Variants in ASGR2 observed in about 807,000 individuals in gnomAD.
ASGR2 encodes the protein C-type lectin domain family 4 member H2.
ASGR2 carries 34 observed loss-of-function variants against 32.3 expected under a neutral mutation model. The ratio of observed to expected loss-of-function variants is 1.05; its 90% CI spans 0.80 to 1.40. ASGR2 has a LOEUF of 1.40. Among genes scored for constraint, ASGR2 ranks in the 40% most tolerant of loss-of-function variants. ASGR2 has a pLI of 0.00. For missense variants in ASGR2, 385 were observed against 386.4 expected, an observed-to-expected ratio of 1.00 and a Z score of 0.03; for synonymous variants, 143 against 150.0, an observed-to-expected ratio of 0.95 and a Z score of 0.34.
rs1349260922 is a variant in ASGR2 at position 7,107,990 on chromosome 17, C to T, written c.338-83G>A. The T allele has an allele frequency of 1.3e-6, 2 of 1,524,026 alleles. No individual in the cohort carries two copies. Among genetic ancestry groups the T allele is most frequent in the Non-Finnish European group, 8.9e-7 (1 of 1,118,816 alleles). 94.4% of individuals were successfully genotyped at this position (1,524,026 alleles called of 1,614,324 possible). A position where few individuals can be genotyped will look rare whatever the true frequency, so the allele number is the denominator to read the frequency against. ...GGGGGACCGGGGGCCAGCGCCTCGT[C>T]CTGGGCGATGCAGGCGTCCACCTCC... On this transcript the variant is annotated intron_variant, in intron 4 of 8. Transcript: ENST00000691900. The surrounding 1 kb of genome is among the most constrained non-coding windows in gnomAD (Gnocchi z 5.0).
chr17:7,106,258 A>C (rs1913670621), intron 7 of ASGR2, among the ~76,000 whole-genome samples: 2 of 152,232 alleles, frequency 1.3e-5, no homozygotes, highest in South Asian at 4.1e-4. Context: ...AGTGACAAAA[A>C]AATCAAGGAC....
rs533159607 is a variant in ASGR2 at position 7,114,040 on chromosome 17, G to A, written c.124+77C>T. On this transcript the variant is annotated intron_variant, in intron 2 of 8. Transcript: ENST00000691900. The surrounding 1 kb of genome is among the most constrained non-coding windows in gnomAD (Gnocchi z 4.5). ...CAGTCCCTGTTCACAGAGTGGGTGCGGCAGAGACCTCAAAGGGACAGAGCA... is the reference window on the plus strand; with the variant it reads ...CAGTCCCTGTTCACAGAGTGGGTGCAGCAGAGACCTCAAAGGGACAGAGCA... 2.5e-5 allele frequency: 39 copies of A among 1,585,094 alleles called. No homozygotes were observed. The highest frequency in any genetic ancestry group is 5.3e-5 in the African/African-American group (4 of 74,778).
chr17:7,107,327 A>ACAGGCTGAAAGTGCTGCCGG lies in ASGR2; in HGVS notation c.410-30_410-11dup. ...AGCAGGGCATCGTGATCTAGGACAG[A>ACAGGCTGAAAGTGCTGCCGG]CAGGCTGAAAGTGCTGCCGGCAGGT... On this transcript the variant is annotated splice_polypyrimidine_tract_variant and intron_variant, in intron 5 of 8. Transcript: ENST00000691900. This position sits in a 1 kb window ranked among gnomAD's most constrained non-coding sequence, Gnocchi z 5.0. The ACAGGCTGAAAGTGCTGCCGG allele has an allele frequency of 1.9e-6, 3 of 1,611,682 alleles. No homozygotes were observed. Among genetic ancestry groups the ACAGGCTGAAAGTGCTGCCGG allele is most frequent in the Non-Finnish European group, 2.5e-6 (3 of 1,179,928 alleles).
Position 7,113,692 on chromosome 17 carries a change from TAC to T in ASGR2, c.124+423_124+424del, listed in dbSNP as rs553743875. Among the ~76,000 whole-genome samples, 12 of 145,726 alleles carry T rather than the reference TAC, an allele frequency of 8.2e-5. No individual in the cohort carries two copies. The East Asian group carries it at 2.5e-3, about 30-fold the overall frequency. ...ACACACAACATATACTCACACAACA[TAC>T]ACACACAACACACTCTCACACACAA... On this transcript the variant is annotated intron_variant, in intron 2 of 8. Coordinates refer to ENST00000691900, the MANE Select transcript of ASGR2 (RefSeq NM_001201352.2). This position sits in a 1 kb window ranked among gnomAD's most constrained non-coding sequence, Gnocchi z 5.1.
At position 7,108,051 on chromosome 17, in the gene ASGR2, C is replaced by T; in HGVS notation, c.338-144G>A. 2 of 830,472 alleles carry T rather than the reference C, an allele frequency of 2.4e-6. No homozygotes were observed. Among genetic ancestry groups the T allele is most frequent in the Admixed American group, 2.3e-5 (1 of 42,638 alleles). 51.4% of individuals were successfully genotyped at this position (830,472 alleles called of 1,614,324 possible). On this transcript the variant is annotated intron_variant, in intron 4 of 8. Coordinates refer to ENST00000691900, the MANE Select transcript of ASGR2 (RefSeq NM_001201352.2). The surrounding 1 kb of genome is among the most constrained non-coding windows in gnomAD (Gnocchi z 4.9). The stretch of plus-strand genomic sequence containing the variant: ...GACCACACCCAGGCTCCCTGCACTG[C>T]CACAGTGGCTCAGGCCACTCTCCTG...
Position 7,107,768 on chromosome 17 carries a change from T to TACACATTGC in ASGR2, c.409+67_409+68insGCAATGTGT, listed in dbSNP as rs374528068. On this transcript the variant is annotated intron_variant, in intron 5 of 8. Coordinates refer to ENST00000691900, the MANE Select transcript of ASGR2 (RefSeq NM_001201352.2). The surrounding 1 kb of genome is among the most constrained non-coding windows in gnomAD (Gnocchi z 5.0). ...GTGCACACTACACACACCGCACACGTACACACTACACACACCGCACACGTA... is the reference window on the plus strand; with the variant it reads ...GTGCACACTACACACACCGCACACGTACACATTGCACACACTACACACACCGCACACGTA... 2.6e-5 allele frequency: 25 copies of TACACATTGC among 951,278 alleles called. No individual in the cohort carries two copies. The African/African-American group carries it at 4.7e-4, about 18-fold the overall frequency. The allele number at this position is 951,278 out of a possible 1,614,324, so 58.9% of individuals were successfully genotyped here. A position where few individuals can be genotyped will look rare whatever the true frequency, so the allele number is the denominator to read the frequency against.
At chr17:7,105,230 C>G (rs1032369910) in intron 7 of ASGR2, among the ~76,000 whole-genome samples, 2 of 151,924 alleles carry the variant, frequency 1.3e-5, no homozygotes, top group South Asian at 4.2e-4. Context: ...AAGAACACCT[C>G]TCACATAGCA....
chr17:7,110,042 C>G (rs1387047801), intron 2 of ASGR2, among the ~76,000 whole-genome samples: 1 of 152,094 alleles, frequency 6.6e-6, no homozygotes, highest in Non-Finnish European at 1.5e-5. Flanking sequence ...TCCTATCACC[C>G]CCCGACCCAG....
In ASGR2 at chr17:7,108,510, T is replaced by A; in HGVS notation, c.289A>T (p.Asn97Tyr). The change falls in exon 4 of 9, where the codon AAC becomes TAC. Residue 97 changes from asparagine to tyrosine, a missense_variant. Coordinates refer to ENST00000691900, the MANE Select transcript of ASGR2 (RefSeq NM_001201352.2). This position sits in a 1 kb window ranked among gnomAD's most constrained non-coding sequence, Gnocchi z 4.9. ...ELRSLKEAFS[N>Y]FSSSTLTEVQ... ...TCCGTCAGGGTGCTCGAGGAGAAGTTGCTGAAAGCTTCCTTCAGGCTCCGC... is the reference window on the plus strand; with the variant it reads ...TCCGTCAGGGTGCTCGAGGAGAAGTAGCTGAAAGCTTCCTTCAGGCTCCGC... The A allele has an allele frequency of 6.2e-7, 1 of 1,610,324 alleles. No homozygotes were observed. The highest frequency in any genetic ancestry group is 8.5e-7 in the Non-Finnish European group (1 of 1,178,504).
In ASGR2 at chr17:7,113,552, T is replaced by C. The variant is rs111072790; in HGVS notation, c.124+565A>G. 2.4e-3 allele frequency among the ~76,000 whole-genome samples: 351 copies of C among 147,608 alleles called. 1 individual carries two copies. The highest frequency in any genetic ancestry group is 4.9e-3 in the African/African-American group (195 of 39,668). ...TACACACACTCATACACAACATACATACACACAACATACACACAACATACA... is the reference window on the plus strand; with the variant it reads ...TACACACACTCATACACAACATACACACACACAACATACACACAACATACA... On this transcript the variant is annotated intron_variant, in intron 2 of 8. Coordinates refer to ENST00000691900, the MANE Select transcript of ASGR2 (RefSeq NM_001201352.2). The surrounding 1 kb of genome is among the most constrained non-coding windows in gnomAD (Gnocchi z 5.1).
At position 7,108,569 on chromosome 17, in the gene ASGR2, G is replaced by T; in HGVS notation, c.242-12C>A. 1 of 1,606,658 alleles carries T rather than the reference G, an allele frequency of 6.2e-7. No homozygotes were observed. Reference sequence around the variant, plus strand: ...TTGCAGCTGTGCACCTTGTCAGGTGGTAGTGGGGGCAGGATGAGGCAGAGG... The same window carrying T: ...TTGCAGCTGTGCACCTTGTCAGGTGTTAGTGGGGGCAGGATGAGGCAGAGG... On this transcript the variant is annotated splice_polypyrimidine_tract_variant and intron_variant, in intron 3 of 8. Coordinates refer to ENST00000691900, the MANE Select transcript of ASGR2 (RefSeq NM_001201352.2). The surrounding 1 kb of genome is among the most constrained non-coding windows in gnomAD (Gnocchi z 4.9).
rs1913845646 is a variant in ASGR2 at position 7,107,153 on chromosome 17, T to C, written c.497-2A>G. On this transcript the variant is annotated splice_acceptor_variant, in intron 6 of 8. Transcript: ENST00000691900. LOFTEE classifies it high-confidence loss of function. This position sits in a 1 kb window ranked among gnomAD's most constrained non-coding sequence, Gnocchi z 5.0. Reference sequence around the variant, plus strand: ...CGGGGCAGCAGGTCCTTTGGGAGCCTGAGGGGACAGGGGGCAGGGAGATGA... The same window carrying C: ...CGGGGCAGCAGGTCCTTTGGGAGCCCGAGGGGACAGGGGGCAGGGAGATGA... 3 of 1,614,078 alleles carry C rather than the reference T, an allele frequency of 1.9e-6. No homozygotes were observed. The South Asian group carries it at 3.3e-5, about 18-fold the overall frequency.
At chr17:7,106,039 G>A (rs1029855694) in intron 7 of ASGR2, among the ~76,000 whole-genome samples, 13 of 151,934 alleles carry the variant, frequency 8.6e-5, no homozygotes, top group African/African-American at 2.2e-4. Context: ...CGCCCACCTC[G>A]GCCTCCCAAA....
At position 7,107,951 on chromosome 17, in the gene ASGR2, G is replaced by A. The variant is rs752100002; in HGVS notation, c.338-44C>T. 39 of 1,608,606 alleles carry A rather than the reference G, an allele frequency of 2.4e-5. No homozygotes were observed. Among genetic ancestry groups the A allele is most frequent in the Admixed American group, 3.3e-5 (2 of 59,756 alleles). ...CTGTTTCCCCGCTGAGCCTCCCTCC[G>A]TCCTCATGCTGCTGGGGGACCGGGG... is the stretch of plus-strand genomic sequence containing the variant. On this transcript the variant is annotated intron_variant, in intron 4 of 8. Transcript: ENST00000691900. The surrounding 1 kb of genome is among the most constrained non-coding windows in gnomAD (Gnocchi z 5.0).
At chr17:7,103,881 T>C (rs1226886176) in intron 7 of ASGR2, among the ~76,000 whole-genome samples, 13 of 152,128 alleles carry the variant, frequency 8.5e-5, no homozygotes, top group Non-Finnish European at 4.4e-5. Context: ...GCTGCACCCA[T>C]TAACTCGTCA....
At position 7,107,832 on chromosome 17, in the gene ASGR2, T is replaced by C. The variant is rs539055915; in HGVS notation, c.409+4A>G. On this transcript the variant is annotated splice_donor_region_variant and intron_variant, in intron 5 of 8. Coordinates refer to ENST00000691900, the MANE Select transcript of ASGR2 (RefSeq NM_001201352.2). The surrounding 1 kb of genome is among the most constrained non-coding windows in gnomAD (Gnocchi z 5.0). ...ATGCGCACACACCCCGGAGGCTCTCTGACCTGCTTTCAGGTCCTGCTGCTG... is the reference window on the plus strand; with the variant it reads ...ATGCGCACACACCCCGGAGGCTCTCCGACCTGCTTTCAGGTCCTGCTGCTG... 6.2e-7 allele frequency: 1 copy of C among 1,611,804 alleles called. No homozygotes were observed. Among genetic ancestry groups the C allele is most frequent in the Middle Eastern group, 1.7e-4 (1 of 6,054 alleles).
chr17:7,109,852 C>T (rs62061386), intron 2 of ASGR2, among the ~76,000 whole-genome samples: 1 of 152,238 alleles, frequency 6.6e-6, no homozygotes, highest in African/African-American at 2.4e-5. Context: ...CACCCACACA[C>T]GTACACTCAC....
rs752059623 is a variant in ASGR2 at position 7,101,528 on chromosome 17, A to G, written c.*47T>C. ...CCTCAAAATCCTCAACAGAGAAGCC[A>G]GAGCTGGGCAGGTGTGGGGTATGGG... On this transcript the variant is annotated 3_prime_UTR_variant, in exon 9 of 9. Transcript: ENST00000691900. 1 of 1,588,376 alleles carries G rather than the reference A, an allele frequency of 6.3e-7. No homozygotes were observed. The highest frequency in any genetic ancestry group is 8.6e-7 in the Non-Finnish European group (1 of 1,164,286).
chr17:7,111,428 G>A (rs1159919749), intron 2 of ASGR2, among the ~76,000 whole-genome samples: 6 of 152,202 alleles, frequency 3.9e-5, no homozygotes, highest in South Asian at 4.1e-4. Flanking sequence ...AGGCCAAGGC[G>A]GGCAGATCAT....
Sources: allele counts gnomAD v4.1 joint callset (sites outside exome capture counted in the v4.1 genomes callset), GRCh38; gene constraint gnomAD v4.1.1; non-coding constraint Gnocchi (gnomAD v3.1); transcripts MANE v1.5; gene names NCBI Gene and HGNC (gene_info 2026-07-23, HGNC 2026-07-21).